TOR1AIP1: variants seen among roughly 807,000 people sequenced by gnomAD.
The protein encoded by TOR1AIP1 is torsin-1A-interacting protein 1.
In TOR1AIP1, 54 loss-of-function variants were observed where a neutral mutation model predicts 63.3. The observed-to-expected ratio is 0.85, with a 90% CI of 0.69 to 1.07. The LOEUF is 1.07. TOR1AIP1 is among the 50% of genes least tolerant of loss of function. TOR1AIP1 has a pLI of 0.00. For synonymous variants in TOR1AIP1, 294 were observed against 273.5 expected, an observed-to-expected ratio of 1.07 and a Z score of -0.74; for missense variants, 736 against 715.0, an observed-to-expected ratio of 1.03 and a Z score of -0.33.
chr1:179,882,858 C>T lies in TOR1AIP1; in HGVS notation c.356C>T (p.Thr119Ile), dbSNP rs2297425. 3 of 1,614,220 alleles carry T rather than the reference C, an allele frequency of 1.9e-6. No individual in the cohort carries two copies. The highest frequency in any genetic ancestry group is 2.5e-6 in the Non-Finnish European group (3 of 1,180,030). The change falls in exon 1 of 10, where the codon ACC becomes ATC. Residue 119 changes from threonine (T) to isoleucine (I), a missense_variant. Physicochemically the swap from Thr to Ile is moderately conservative, Grantham distance 89. Transcript: ENST00000606911. ...RQRRQPRPQE[T>I]EEMKTRRTTR... ...CGGAGGCAGCCGCGACCCCAGGAAA[C>T]CGAGGAAATGAAGACGCGAAGGACT...
intron 2 of TOR1AIP1, among the ~76,000 whole-genome samples, chr1:179,886,492 C>T (rs1020852523): frequency 2.0e-5 from 3 of 152,170 alleles, no homozygotes; most frequent in Non-Finnish European, 2.9e-5. Context: ...GCATAACTCA[C>T]AGGGCCTCTG....
intron 5 of TOR1AIP1, 28 bp downstream of exon 5, chr1:179,901,416 C>G (rs555720611): frequency 2.2e-6 from 3 of 1,389,756 alleles, no homozygotes; most frequent in South Asian, 3.0e-5. Context: ...ACATATGACT[C>G]TTCTCATAGA....
At chr1:179,908,166 C>A (rs1648713004) in intron 7 of TOR1AIP1, among the ~76,000 whole-genome samples, 1 of 152,052 alleles carries the variant, frequency 6.6e-6, no homozygotes, top group Admixed American at 6.6e-5. Flanking sequence ...CCTCGGCCTC[C>A]CAAAGTGCTG....
chr1:179,917,642 G>A lies in TOR1AIP1; in HGVS notation c.1155G>A (p.Lys385=), dbSNP rs777945456. 60 of 1,614,058 alleles carry A rather than the reference G, an allele frequency of 3.7e-5. No homozygotes were observed. The Admixed American group carries it at 4.0e-4, about 11-fold the overall frequency. The change falls in exon 10 of 10, where the codon AAG becomes AAA. Residue 385 remains lysine, a synonymous_variant. Coordinates refer to ENST00000606911, the MANE Select transcript of TOR1AIP1 (RefSeq NM_015602.4). Reference sequence around the variant, plus strand: ...ATAAGTACCAAGGTCAAGATGAGAAGCTGTGGAAAAGGAGCCAAACATTCC... The same window carrying A: ...ATAAGTACCAAGGTCAAGATGAGAAACTGTGGAAAAGGAGCCAAACATTCC... ...LKNKYQGQDE[K]LWKRSQTFLE...
At chr1:179,898,716 A>T (rs1332563401) in intron 3 of TOR1AIP1, among the ~76,000 whole-genome samples, 1 of 152,030 alleles carries the variant, frequency 6.6e-6, no homozygotes, top group African/African-American at 2.4e-5. Context: ...GTAAAACCCC[A>T]TCTCTTGTTT....
chr1:179,911,104 A>T (rs963126822), intron 8 of TOR1AIP1, among the ~76,000 whole-genome samples: 1 of 152,226 alleles, frequency 6.6e-6, no homozygotes, highest in African/African-American at 2.4e-5. Flanking sequence ...TTTCAGAGTT[A>T]TGTAACAGTA....
rs1206337247 is a variant in TOR1AIP1, at chr1:179,917,531, C to G, written c.1044C>G (p.Ala348=). ...TACTTCCTCTGATAGCTGCTCTTGC[C>G]TCTGGGAGTTTTTGGTTCTTTAGTA... The part of the protein sequence containing the change: ...WWLLPLIAAL[A]SGSFWFFSTP... The change falls in exon 10 of 10, where the codon GCC becomes GCG. Residue 348 remains alanine (A), a synonymous_variant. Coordinates refer to ENST00000606911, the MANE Select transcript of TOR1AIP1 (RefSeq NM_015602.4). The G allele has an allele frequency of 2.5e-6, 4 of 1,613,906 alleles. No individual in the cohort carries two copies. Among genetic ancestry groups the G allele is most frequent in the Non-Finnish European group, 3.4e-6 (4 of 1,180,016 alleles).
At chr1:179,888,307 G>A (rs1285908849) in intron 2 of TOR1AIP1, among the ~76,000 whole-genome samples, 1 of 152,104 alleles carries the variant, frequency 6.6e-6, no homozygotes, top group East Asian at 1.9e-4. Flanking sequence ...AAGAGACAGG[G>A]TCTCACTGTC....
At chr1:179,883,104 G>T (rs1180710559) in intron 1 of TOR1AIP1, 127 bp downstream of exon 1, 10 of 878,554 alleles carry the variant, frequency 1.1e-5, no homozygotes, top group Non-Finnish European at 1.7e-5. Context: ...GTATTCCTCA[G>T]CCCCCTCTGG....
intron 3 of TOR1AIP1, among the ~76,000 whole-genome samples, chr1:179,898,092 A>G (rs145345685): frequency 1.1e-3 from 172 of 152,012 alleles, no homozygotes; most frequent in African/African-American, 4.1e-3. Flanking sequence ...ACAGAACCAA[A>G]CCATGTCTCA....
At chr1:179,917,214 T>A (rs1649047530) in intron 9 of TOR1AIP1, among the ~76,000 whole-genome samples, 1 of 152,248 alleles carries the variant, frequency 6.6e-6, no homozygotes, top group Admixed American at 6.5e-5. Context: ...CCTCAAAGAC[T>A]TATTTTTATA....
chr1:179,882,610 T>G lies in TOR1AIP1; in HGVS notation c.108T>G (p.Asn36Lys). The G allele has an allele frequency of 6.6e-7, 1 of 1,525,656 alleles. No individual in the cohort carries two copies. The highest frequency in any genetic ancestry group is 1.4e-5 in the African/African-American group (1 of 71,522). The allele number at this position is 1,525,656 out of a possible 1,614,324, so 94.5% of individuals were successfully genotyped here. Residue 36 changes from asparagine (N) to lysine (K), a missense_variant, in exon 1 of 10, where the codon AAT (asparagine) becomes AAG (lysine). Physicochemically the swap from Asn to Lys is moderately conservative, Grantham distance 94 (BLOSUM62 0). Around this residue, in one of 2 missense-constraint regions of TOR1AIP1, gnomAD observed 464 missense variants for 371.0 expected, o/e 1.25. Transcript: ENST00000606911. ...GAAGGGGCCGGCTCGCCCCTCAAAA[T>G]GGCGGCAGCAGCGATGCGCCTGCGT... ...REGRGRLAPQ[N>K]GGSSDAPAYR...
intron 5 of TOR1AIP1, 79 bp downstream of exon 5, chr1:179,901,467 C>A (rs1179054705): frequency 1.2e-6 from 1 of 840,154 alleles, no homozygotes; most frequent in African/African-American, 1.7e-5. Flanking sequence ...TTAAAAAAAA[C>A]TTTCAAATTT....
At chr1:179,885,337 A>G (rs1003130758) in intron 2 of TOR1AIP1, among the ~76,000 whole-genome samples, 1 of 152,228 alleles carries the variant, frequency 6.6e-6, no homozygotes, top group Non-Finnish European at 1.5e-5. Context: ...TGCCATAATT[A>G]TATGATGCAT....
At position 179,913,973 on chromosome 1, in the gene TOR1AIP1, CTTATT is replaced by C. The variant is rs772317032; in HGVS notation, c.908-19_908-15del. 1 of 1,601,408 alleles carries C rather than the reference CTTATT, an allele frequency of 6.2e-7. No individual in the cohort carries two copies. Among genetic ancestry groups the C allele is most frequent in the Non-Finnish European group, 8.5e-7 (1 of 1,170,868 alleles). Reference sequence around the variant, plus strand: ...AAATTATGAAGCATAAGTTGATAGTCTTATTTTATTACTCTCACCATTAGATGACA... The same window carrying C: ...AAATTATGAAGCATAAGTTGATAGTCTTATTACTCTCACCATTAGATGACA... On this transcript the variant is annotated intron_variant, in intron 8 of 9. Coordinates refer to ENST00000606911, the MANE Select transcript of TOR1AIP1 (RefSeq NM_015602.4).
intron 3 of TOR1AIP1, among the ~76,000 whole-genome samples, chr1:179,898,769 CT>C (rs951667770): frequency 1.3e-5 from 2 of 151,986 alleles, no homozygotes; most frequent in African/African-American, 4.8e-5. Flanking sequence ...TTGACTTTTC[CT>C]TTTTCTCCCT....
intron 1 of TOR1AIP1, among the ~76,000 whole-genome samples, chr1:179,884,269 A>G (rs908653749): frequency 2.0e-5 from 3 of 152,224 alleles, no homozygotes; most frequent in Admixed American, 1.3e-4. Context: ...GGCAAAAAAT[A>G]TGTTACATTG....
chr1:179,916,706 T>TC (rs1648998727), intron 9 of TOR1AIP1, among the ~76,000 whole-genome samples: 1 of 138,788 alleles, frequency 7.2e-6, no homozygotes. Flanking sequence ...TTTTCTTTTT[T>TC]TTTTTTTTTT....
chr1:179,885,327 T>C (rs971663303), intron 2 of TOR1AIP1, among the ~76,000 whole-genome samples: 9 of 152,210 alleles, frequency 5.9e-5, no homozygotes, highest in Non-Finnish European at 1.2e-4. Context: ...TGTAGTAATA[T>C]GCCATAATTA....
Sources: allele counts gnomAD v4.1 joint callset (sites outside exome capture counted in the v4.1 genomes callset), GRCh38; gene constraint gnomAD v4.1.1; regional missense constraint gnomAD v4.1.1; transcripts MANE v1.5; gene names NCBI Gene and HGNC (gene_info 2026-07-23, HGNC 2026-07-21).